The following PARD6B variants were observed in gnomAD, a reference collection of about 807,000 sequenced individuals.
The protein encoded by PARD6B is par-6 family cell polarity regulator beta.
PARD6B carries 4 observed loss-of-function variants against 10.5 expected under a neutral mutation model. The observed-to-expected ratio is 0.38, with a 90% confidence interval of 0.19 to 0.87. PARD6B has a LOEUF of 0.87. Ranked by LOEUF, PARD6B falls within the 40% of genes least tolerant of loss-of-function variation. The pLI is 0.41. For missense variants in PARD6B, 396 were observed against 470.6 expected, an observed-to-expected ratio of 0.84 and a Z score of 1.47; for synonymous variants, 169 against 170.4, an observed-to-expected ratio of 0.99 and a Z score of 0.07.
intron 2 of PARD6B, among the ~76,000 whole-genome samples, chr20:50,744,640 C>T (rs1174687206): frequency 1.4e-5 from 2 of 144,424 alleles, no homozygotes; most frequent in Non-Finnish European, 3.0e-5. Flanking sequence ...TGACTCCCTC[C>T]CTCCCTCCCT....
intron 2 of PARD6B, among the ~76,000 whole-genome samples, chr20:50,738,465 G>A (rs936123586): frequency 6.6e-6 from 1 of 152,084 alleles, no homozygotes; most frequent in Admixed American, 6.5e-5. Context: ...CTGTTTTTTG[G>A]TGGCAACCAA....
At chr20:50,742,957 G>A (rs959548357) in intron 2 of PARD6B, among the ~76,000 whole-genome samples, 2 of 152,112 alleles carry the variant, frequency 1.3e-5, no homozygotes, top group Non-Finnish European at 2.9e-5. Context: ...TTCATGCAGA[G>A]GATCCCAATC....
At position 50,752,359 on chromosome 20, in the gene PARD6B, C is replaced by T. The variant is rs1328056229; in HGVS notation, c.*1871C>T. ...AAAAAAAAAAAATTGGGTTTTCCTT[C>T]ATGGGATTTCTAGAAACACTGCCTA... On this transcript the variant is annotated 3_prime_UTR_variant, in exon 3 of 3. Transcript: ENST00000371610. 2.0e-6 allele frequency: 2 copies of T among 985,276 alleles called. No homozygotes were observed. The highest frequency in any genetic ancestry group is 1.8e-5 in the African/African-American group (1 of 57,094). 61.0% of individuals were successfully genotyped at this position (985,276 alleles called of 1,614,324 possible). A position where few individuals can be genotyped will look rare whatever the true frequency, so the allele number is the denominator to read the frequency against.
intron 2 of PARD6B, among the ~76,000 whole-genome samples, chr20:50,744,042 G>A (rs570965095): frequency 6.7e-4 from 100 of 148,712 alleles, no homozygotes; most frequent in African/African-American, 2.4e-3. Context: ...TTTCAGATTT[G>A]TCTCCCCATT....
chr20:50,748,478 C>T, intron 2 of PARD6B, among the ~76,000 whole-genome samples: 1 of 152,260 alleles, frequency 6.6e-6, no homozygotes, highest in Non-Finnish European at 1.5e-5. Context: ...TATGATTTTA[C>T]TCTCTGATTT....
chr20:50,735,180 TAGTGTCAACA>T (rs2087493450), intron 1 of PARD6B, among the ~76,000 whole-genome samples: 1 of 152,102 alleles, frequency 6.6e-6, no homozygotes, highest in East Asian at 1.9e-4. Context: ...AATAAAGCAG[TAGTGTCAACA>T]TTATTATCTT....
chr20:50,732,000 C>A, intron 1 of PARD6B, 148 bp downstream of exon 1: 2 of 538,836 alleles, frequency 3.7e-6, no homozygotes, highest in Non-Finnish European at 5.6e-6. Flanking sequence ...GGGTAATAAA[C>A]TTGCCGAGGA....
chr20:50,752,834 T>A lies in PARD6B; in HGVS notation c.*2346T>A. ...ACATTACCACTAAGCATATTATCAG[T>A]AAACTATTAACTGACTGCACATTAT... On this transcript the variant is annotated 3_prime_UTR_variant, in exon 3 of 3. Coordinates refer to ENST00000371610, the MANE Select transcript of PARD6B (RefSeq NM_032521.3). 1.0e-6 allele frequency: 1 copy of A among 980,422 alleles called. No homozygotes were observed. Among genetic ancestry groups the A allele is most frequent in the Non-Finnish European group, 1.2e-6 (1 of 824,982 alleles). The allele number at this position is 980,422 out of a possible 1,614,324, so 60.7% of individuals were successfully genotyped here.
rs2123708680 is a variant in PARD6B at position 50,749,899 on chromosome 20, C to T, written c.530C>T (p.Ser177Phe). 1 of 1,614,166 alleles carries T rather than the reference C, an allele frequency of 6.2e-7. No homozygotes were observed. Among genetic ancestry groups the T allele is most frequent in the Non-Finnish European group, 8.5e-7 (1 of 1,180,040 alleles). Residue 177 changes from serine (S) to phenylalanine (F), a missense_variant, in exon 3 of 3, where the codon TCC becomes TTC. Transcript: ENST00000371610. Reference protein sequence around the residue: ...KPLGFYIRDGSSVRVTPHGLE... With the variant: ...KPLGFYIRDGFSVRVTPHGLE... ...CTAGGATTCTACATCCGGGATGGCTCCAGTGTCAGGGTAACACCACATGGC... is the reference window on the plus strand; with the variant it reads ...CTAGGATTCTACATCCGGGATGGCTTCAGTGTCAGGGTAACACCACATGGC...
Position 50,750,805 on chromosome 20 carries a change from G to T in PARD6B, c.*317G>T, listed in dbSNP as rs144895071. The T allele has an allele frequency of 2.1e-5, 23 of 1,091,304 alleles. No homozygotes were observed. Among genetic ancestry groups the T allele is most frequent in the Non-Finnish European group, 2.6e-5 (23 of 895,646 alleles). The allele number at this position is 1,091,304 out of a possible 1,614,324, so 67.6% of individuals were successfully genotyped here. A position where few individuals can be genotyped will look rare whatever the true frequency, so the allele number is the denominator to read the frequency against. On this transcript the variant is annotated 3_prime_UTR_variant, in exon 3 of 3. Coordinates refer to ENST00000371610, the MANE Select transcript of PARD6B (RefSeq NM_032521.3). The stretch of plus-strand genomic sequence containing the variant: ...GAAGACTAGATCATTTCTGTTGGAA[G>T]TGGTTGCATATTTAACCTGCTGTGC...
Position 50,750,481 on chromosome 20 carries a change from CATT to C in PARD6B, c.1115_1117del (p.Leu372del), listed in dbSNP as rs2087596650. ...TTAGAAGAAGATGGAACAATCATAA[CATT>C]ATGAAACCGTGGTTTGAATGTTTTC... On this transcript the variant is annotated inframe_deletion, in exon 3 of 3. Coordinates refer to ENST00000371610, the MANE Select transcript of PARD6B (RefSeq NM_032521.3). 2 of 1,610,000 alleles carry C rather than the reference CATT, an allele frequency of 1.2e-6. No homozygotes were observed. Among genetic ancestry groups the C allele is most frequent in the Admixed American group, 3.4e-5 (2 of 59,604 alleles).
intron 1 of PARD6B, 107 bp downstream of exon 1, chr20:50,731,959 C>A: frequency 2.4e-6 from 2 of 849,656 alleles, no homozygotes; most frequent in South Asian, 3.3e-5. Flanking sequence ...TGAGCTGCCC[C>A]GGGGTCTGGA....
rs773006510 is a variant in PARD6B, at chr20:50,753,170, T to G, written c.*2682T>G. 58 of 985,094 alleles carry G rather than the reference T, an allele frequency of 5.9e-5. No individual in the cohort carries two copies. Among genetic ancestry groups the G allele is most frequent in the Non-Finnish European group, 6.9e-5 (57 of 829,324 alleles). The allele number at this position is 985,094 out of a possible 1,614,324, so 61.0% of individuals were successfully genotyped here. On this transcript the variant is annotated 3_prime_UTR_variant, in exon 3 of 3. Transcript: ENST00000371610. Reference sequence around the variant, plus strand: ...CAAATTTTAACTGTAAAATACAGATTTATCTTGTACGCATTCATGGAAATG... The same window carrying G: ...CAAATTTTAACTGTAAAATACAGATGTATCTTGTACGCATTCATGGAAATG...
At chr20:50,732,310 C>T (rs1456939917) in intron 1 of PARD6B, among the ~76,000 whole-genome samples, 1 of 152,184 alleles carries the variant, frequency 6.6e-6, no homozygotes, top group Non-Finnish European at 1.5e-5. Flanking sequence ...AACTAAACAG[C>T]CCTTTAAAAG....
chr20:50,745,770 G>A (rs959853860), intron 2 of PARD6B, among the ~76,000 whole-genome samples: 1 of 152,270 alleles, frequency 6.6e-6, no homozygotes, highest in East Asian at 1.9e-4. Context: ...CCCTTCCAAA[G>A]TGCTGGGATT....
intron 1 of PARD6B, among the ~76,000 whole-genome samples, chr20:50,736,121 A>T (rs1334705303): frequency 3.3e-5 from 5 of 152,148 alleles, no homozygotes; most frequent in African/African-American, 1.2e-4. Context: ...GAACTATTTT[A>T]ATTTTTGTTA....
At chr20:50,749,215 C>T (rs774014696) in intron 2 of PARD6B, among the ~76,000 whole-genome samples, 4 of 152,052 alleles carry the variant, frequency 2.6e-5, no homozygotes, top group Admixed American at 1.3e-4. Flanking sequence ...TGGTGGCACA[C>T]ACCTGTAGTC....
rs746021279 is a variant in PARD6B, at chr20:50,731,826, C to T, written c.40C>T (p.Leu14=). The part of the protein sequence containing the change: ...SHRHGAGSGC[L]GTMEVKSKFG... ...CCGGCACGGGGCGGGCAGCGGCTGC[C>T]TGGGCACTATGGAGGTGAAGAGCAA... The change falls in exon 1 of 3, where the codon CTG becomes TTG. Residue 14 remains leucine (L), a synonymous_variant. Transcript: ENST00000371610. 279 of 1,464,060 alleles carry T rather than the reference C, an allele frequency of 1.9e-4. No homozygotes were observed. The highest frequency in any genetic ancestry group is 1.3e-4 in the Non-Finnish European group (145 of 1,113,646). 90.7% of individuals were successfully genotyped at this position (1,464,060 alleles called of 1,614,324 possible). A position where few individuals can be genotyped will look rare whatever the true frequency, so the allele number is the denominator to read the frequency against.
intron 2 of PARD6B, among the ~76,000 whole-genome samples, chr20:50,740,994 T>C (rs1357958993): frequency 6.7e-6 from 1 of 149,638 alleles, no homozygotes; most frequent in African/African-American, 2.5e-5. Context: ...GGAGTCTTGC[T>C]CTGTCACCCA....
Sources: gnomAD v4.1 joint callset for allele counts (sites outside exome capture counted in the v4.1 genomes callset) on GRCh38, gnomAD v4.1.1 for gene constraint, MANE v1.5 for transcripts, NCBI Gene and HGNC (gene_info 2026-07-23, HGNC 2026-07-21) for gene names.